The following NDRG4 variants were observed in gnomAD, a reference collection of about 807,000 sequenced individuals.
The protein encoded by NDRG4 is NDRG family member 4.
A neutral mutation model predicts 55.8 loss-of-function variants in NDRG4; 38 were observed. The ratio of observed to expected loss-of-function variants is 0.68; its 90% confidence interval spans 0.53 to 0.89. The LOEUF (loss-of-function observed/expected upper bound fraction) is 0.89, where lower values mean the gene tolerates loss of function less well. NDRG4 is among the 40% of genes least tolerant of loss of function. NDRG4 has a pLI of 0.00. For missense variants in NDRG4, 455 were observed against 468.6 expected, an observed-to-expected ratio of 0.97 and a Z score of 0.27; for synonymous variants, 190 against 182.7, an observed-to-expected ratio of 1.04 and a Z score of -0.32.
At chr16:58,490,948 G>A (rs2035710196) in intron 2 of NDRG4, among the ~76,000 whole-genome samples, 1 of 151,524 alleles carries the variant, frequency 6.6e-6, no homozygotes, top group African/African-American at 2.4e-5. Flanking sequence ...CTACACTCCA[G>A]CCTGGGCGAC....
intron 13 of NDRG4, among the ~76,000 whole-genome samples, chr16:58,510,347 C>T (rs754991753): frequency 3.3e-5 from 5 of 152,222 alleles, no homozygotes; most frequent in East Asian, 1.9e-4. Context: ...GGGCACAGAG[C>T]GGGCAGGCCT....
chr16:58,493,937 G>A (rs994115065), intron 2 of NDRG4, among the ~76,000 whole-genome samples: 16 of 152,146 alleles, frequency 1.1e-4, no homozygotes, highest in African/African-American at 2.2e-4. Context: ...CCAGGCCCCC[G>A]CAGAGTGTCT....
At chr16:58,505,708 ATTTTCTTT>A (rs2037854503) in intron 5 of NDRG4, among the ~76,000 whole-genome samples, 1 of 70,626 alleles carries the variant, frequency 1.4e-5, no homozygotes, top group Non-Finnish European at 2.7e-5. Flanking sequence ...TGAGGGCTTC[ATTTTCTTT>A]TTTTTTTTTT....
intron 13 of NDRG4, 41 bp downstream of exon 13, chr16:58,509,393 G>C: frequency 1.2e-6 from 2 of 1,603,710 alleles, no homozygotes; most frequent in Admixed American, 3.3e-5. Flanking sequence ...CCTAGAGACC[G>C]GTGGGCAGGC....
chr16:58,501,325 C>T lies in NDRG4; in HGVS notation c.21+1056C>T, dbSNP rs368830338. 1.8e-4 allele frequency: 68 copies of T among 371,696 alleles called. 1 individual carries two copies. The South Asian group carries it at 9.5e-3, about 52-fold the overall frequency. The allele number at this position is 371,696 out of a possible 1,614,324, so 23.0% of individuals were successfully genotyped here. On this transcript the variant is annotated intron_variant, in intron 1 of 14. Transcript: ENST00000570248. Reference sequence around the variant, plus strand: ...CGGCGCAAAGCCCGGCTCAAAGCCCCACTCCCCTCCAGTGCTCAAGGTCAC... The same window carrying T: ...CGGCGCAAAGCCCGGCTCAAAGCCCTACTCCCCTCCAGTGCTCAAGGTCAC...
intron 1 of NDRG4, among the ~76,000 whole-genome samples, chr16:58,485,180 G>T (rs1805216157): frequency 1.3e-5 from 2 of 152,084 alleles, no homozygotes; most frequent in South Asian, 4.1e-4. Context: ...ACCACGCCCG[G>T]CCCATAACTT....
At chr16:58,502,816 C>A (rs555143123) in intron 1 of NDRG4, among the ~76,000 whole-genome samples, 1 of 152,198 alleles carries the variant, frequency 6.6e-6, no homozygotes, top group East Asian at 1.9e-4. Flanking sequence ...CAGAGAGGAT[C>A]GGTTTATTTA....
chr16:58,511,188 C>T, intron 14 of NDRG4: 1 of 559,784 alleles, frequency 1.8e-6, no homozygotes, highest in Non-Finnish European at 3.2e-6. Flanking sequence ...CACCTCCCTG[C>T]ACCAGCTCAG....
At chr16:58,514,545 T>C (rs2151871332), downstream of NDRG4, among the ~76,000 whole-genome samples, 2 of 152,086 alleles carry the variant, frequency 1.3e-5, no homozygotes, top group African/African-American at 4.8e-5. Flanking sequence ...GAGACCAGCC[T>C]GGGCAACGCG....
intron 5 of NDRG4, 136 bp downstream of exon 5, chr16:58,504,785 A>C: frequency 1.2e-6 from 1 of 843,622 alleles, no homozygotes; most frequent in Non-Finnish European, 1.9e-6. Context: ...CCTCCTCTTT[A>C]TGTAGAAAAC....
At chr16:58,491,017 C>T (rs1018688632) in intron 2 of NDRG4, among the ~76,000 whole-genome samples, 6 of 151,642 alleles carry the variant, frequency 4.0e-5, no homozygotes, top group African/African-American at 1.2e-4. Flanking sequence ...TGGCTCACAC[C>T]TATAATCCCA....
At chr16:58,483,275 G>C (rs549117457) in intron 1 of NDRG4, among the ~76,000 whole-genome samples, 37 of 152,226 alleles carry the variant, frequency 2.4e-4, no homozygotes, top group African/African-American at 8.9e-4. Flanking sequence ...GGTTCGCCTG[G>C]CCGGGGTCTC....
upstream of NDRG4, chr16:58,499,837 C>T: frequency 2.9e-6 from 1 of 342,040 alleles, no homozygotes; most frequent in East Asian, 7.9e-5. Flanking sequence ...TACGTGTGGT[C>T]TCGGCTTTTG....
At chr16:58,469,431 G>A (rs1001539580) in intron 1 of NDRG4, among the ~76,000 whole-genome samples, 1 of 152,158 alleles carries the variant, frequency 6.6e-6, no homozygotes, top group African/African-American at 2.4e-5. Flanking sequence ...GGATTATAAA[G>A]GGCAAGTTGG....
At chr16:58,467,732 T>G (rs2031964718) in intron 1 of NDRG4, among the ~76,000 whole-genome samples, 1 of 152,196 alleles carries the variant, frequency 6.6e-6, no homozygotes, top group East Asian at 1.9e-4. Context: ...TTTCCTCATC[T>G]GTAAAATGGG....
intron 1 of NDRG4, among the ~76,000 whole-genome samples, chr16:58,472,690 G>GTC (rs939219177): frequency 1.4e-4 from 21 of 152,182 alleles, no homozygotes; most frequent in Non-Finnish European, 1.8e-4. Flanking sequence ...ATCGGCCTCT[G>GTC]TCTCTCTCTC....
chr16:58,469,519 G>A (rs1485267326), intron 1 of NDRG4, among the ~76,000 whole-genome samples: 2 of 152,122 alleles, frequency 1.3e-5, no homozygotes, highest in Non-Finnish European at 2.9e-5. Flanking sequence ...ATAAAGATGT[G>A]TGCAAAGGTG....
chr16:58,507,491 A>C, intron 8 of NDRG4: 2 of 314,958 alleles, frequency 6.4e-6, no homozygotes, highest in Non-Finnish European at 1.0e-5. Context: ...GCATGGTGCT[A>C]AGAAAACAAA....
chr16:58,466,341 C>T (rs886389489), intron 1 of NDRG4, among the ~76,000 whole-genome samples: 3 of 152,192 alleles, frequency 2.0e-5, no homozygotes, highest in Non-Finnish European at 2.9e-5. Context: ...TAGAGCTCTG[C>T]ATGGTGAACA....
Sources: allele counts gnomAD v4.1 joint callset (sites outside exome capture counted in the v4.1 genomes callset), GRCh38; gene constraint gnomAD v4.1.1; transcripts MANE v1.5; gene names NCBI Gene and HGNC (gene_info 2026-07-23, HGNC 2026-07-21).